DIAPH3: variants seen among roughly 807,000 people sequenced by gnomAD.
The protein encoded by DIAPH3 is protein diaphanous homolog 3.
Under a neutral mutation model 144.3 loss-of-function variants are expected in DIAPH3, and 117 were observed. The observed-to-expected ratio is 0.81, with a 90% CI of 0.70 to 0.95. The LOEUF (loss-of-function observed/expected upper bound fraction) is 0.95. DIAPH3 is among the 40% of genes least tolerant of loss of function. DIAPH3 has a pLI of 0.00. For missense variants in DIAPH3, 1,421 were observed against 1,412.7 expected, an observed-to-expected ratio of 1.01 and a Z score of -0.09; for synonymous variants, 519 against 488.9, an observed-to-expected ratio of 1.06 and a Z score of -0.81.
chr13:60,084,572 AC>A (rs2057687766), intron 4 of DIAPH3, among the ~76,000 whole-genome samples: 1 of 152,108 alleles, frequency 6.6e-6, no homozygotes, highest in African/African-American at 2.4e-5. Context: ...TTTTAAACTC[AC>A]CAAAGTAGCA....
chr13:59,679,998 A>G (rs2032856317), intron 27 of DIAPH3, among the ~76,000 whole-genome samples: 1 of 152,206 alleles, frequency 6.6e-6, no homozygotes, highest in Non-Finnish European at 1.5e-5. Flanking sequence ...AGCATCTGTT[A>G]GTTCAGTGGT....
intron 22 of DIAPH3, among the ~76,000 whole-genome samples, chr13:59,842,912 C>T (rs2042426071): frequency 6.6e-6 from 1 of 152,144 alleles, no homozygotes; most frequent in Admixed American, 6.6e-5. Context: ...AACCCAGAAG[C>T]TCCCCCAACC....
At chr13:60,006,524 A>T (rs1335289966) in intron 9 of DIAPH3, among the ~76,000 whole-genome samples, 3 of 152,226 alleles carry the variant, frequency 2.0e-5, no homozygotes, top group African/African-American at 7.2e-5. Flanking sequence ...ATTAATCTTC[A>T]GATGAATAAA....
At chr13:59,991,348 T>C in intron 11 of DIAPH3, 74 bp from the exon 12 acceptor site, 1 of 1,092,042 alleles carries the variant, frequency 9.2e-7, no homozygotes, top group East Asian at 2.4e-5. Flanking sequence ...ACAGAATTTG[T>C]CCTGTAAGGT....
intron 5 of DIAPH3, among the ~76,000 whole-genome samples, chr13:60,017,920 T>C (rs529378769): frequency 3.9e-5 from 6 of 152,302 alleles, no homozygotes; most frequent in Admixed American, 6.5e-5. Context: ...AGATTATCTG[T>C]AGGCATTTTG....
At chr13:60,025,260 C>G (rs779700206) in intron 5 of DIAPH3, among the ~76,000 whole-genome samples, 9 of 151,886 alleles carry the variant, frequency 5.9e-5, no homozygotes, top group Non-Finnish European at 1.2e-4. Context: ...GGGTTACTGA[C>G]TTCTTCACCT....
At chr13:60,097,684 A>C (rs1349040061) in intron 3 of DIAPH3, among the ~76,000 whole-genome samples, 1 of 152,186 alleles carries the variant, frequency 6.6e-6, no homozygotes, top group African/African-American at 2.4e-5. Context: ...TGGGATACCC[A>C]CTAGGCATGT....
At chr13:59,930,117 T>A (rs922387927) in intron 17 of DIAPH3, among the ~76,000 whole-genome samples, 2 of 152,196 alleles carry the variant, frequency 1.3e-5, no homozygotes, top group Non-Finnish European at 2.9e-5. Flanking sequence ...ACATTTGTAC[T>A]CCTAGGTATT....
At chr13:60,140,845 C>T (rs527797101) in intron 1 of DIAPH3, among the ~76,000 whole-genome samples, 131 of 149,406 alleles carry the variant, frequency 8.8e-4, no homozygotes, top group African/African-American at 3.2e-3. Context: ...AATATGTGCA[C>T]AGACTTTTTA....
intron 27 of DIAPH3, among the ~76,000 whole-genome samples, chr13:59,695,688 A>G (rs922910976): frequency 5.3e-5 from 8 of 152,224 alleles, no homozygotes; most frequent in Admixed American, 3.9e-4. Context: ...TTAATACTGA[A>G]ATGTACACTT....
intron 20 of DIAPH3, among the ~76,000 whole-genome samples, chr13:59,898,830 T>C (rs895994087): frequency 6.6e-6 from 1 of 152,158 alleles, no homozygotes; most frequent in African/African-American, 2.4e-5. Flanking sequence ...ATGCAAAGTA[T>C]TGTTCCTGGG....
chr13:59,975,640 TG>T (rs1385675978), intron 14 of DIAPH3, among the ~76,000 whole-genome samples: 1 of 152,036 alleles, frequency 6.6e-6, no homozygotes, highest in Non-Finnish European at 1.5e-5. Context: ...TTATAGCTTT[TG>T]AAGCATAAAA....
At chr13:59,822,414 C>A (rs1056408844) in intron 24 of DIAPH3, among the ~76,000 whole-genome samples, 11 of 152,120 alleles carry the variant, frequency 7.2e-5, no homozygotes, top group African/African-American at 2.6e-4. Flanking sequence ...TCCCACTAGT[C>A]TCATATGAAC....
At chr13:60,065,340 G>C (rs907859613) in intron 4 of DIAPH3, among the ~76,000 whole-genome samples, 5 of 146,944 alleles carry the variant, frequency 3.4e-5, no homozygotes, top group Admixed American at 2.1e-4. Context: ...ATTAATAATA[G>C]TAAAACTACA....
intron 4 of DIAPH3, among the ~76,000 whole-genome samples, chr13:60,079,045 C>T (rs2057462798): frequency 6.6e-6 from 1 of 151,822 alleles, no homozygotes; most frequent in African/African-American, 2.4e-5. Flanking sequence ...TTCTCAGATG[C>T]ACGAGCCAAT....
chr13:60,157,808 G>C (rs991714380), intron 1 of DIAPH3, among the ~76,000 whole-genome samples: 1 of 152,166 alleles, frequency 6.6e-6, no homozygotes, highest in Admixed American at 6.5e-5. Flanking sequence ...CCATCCGCTG[G>C]ATGGGACCTG....
intron 8 of DIAPH3, among the ~76,000 whole-genome samples, chr13:60,009,445 G>T (rs754417459): frequency 6.6e-6 from 1 of 151,788 alleles, no homozygotes; most frequent in African/African-American, 2.4e-5. Context: ...AAAAAGAGGA[G>T]GTTAAAAGAC....
intron 17 of DIAPH3, among the ~76,000 whole-genome samples, chr13:59,933,194 G>T (rs1236403300): frequency 1.3e-5 from 2 of 152,188 alleles, no homozygotes; most frequent in Non-Finnish European, 2.9e-5. Flanking sequence ...GGAAGGGCAG[G>T]GTCCTCTGTC....
At chr13:59,805,605 T>C (rs1173851452) in intron 25 of DIAPH3, among the ~76,000 whole-genome samples, 1 of 151,594 alleles carries the variant, frequency 6.6e-6, no homozygotes, top group African/African-American at 2.4e-5. Flanking sequence ...AACTTGCTTG[T>C]TTATGTAATA....
Sources: allele counts gnomAD v4.1 joint callset (sites outside exome capture counted in the v4.1 genomes callset), GRCh38; gene constraint gnomAD v4.1.1; transcripts MANE v1.5; gene names NCBI Gene and HGNC (gene_info 2026-07-23, HGNC 2026-07-21).